CABP1: variants seen among roughly 807,000 people sequenced by gnomAD.
CABP1 encodes calcium binding protein 1.
A neutral mutation model predicts 34.3 loss-of-function variants in CABP1; 17 were observed. The observed-to-expected ratio is 0.50, with a 90% CI of 0.34 to 0.74. The LOEUF (loss-of-function observed/expected upper bound fraction) is 0.74. Among genes scored for constraint, CABP1 ranks in the 30% least tolerant of loss-of-function variants. CABP1 has a pLI of 0.01. For missense variants in CABP1, 373 were observed against 511.1 expected (o/e 0.73, Z 2.61); for synonymous variants, 198 against 229.2 (o/e 0.86, Z 1.23).
chr12:120,669,582 C>T (rs917243211), downstream of CABP1, among the ~76,000 whole-genome samples: 10 of 152,082 alleles, frequency 6.6e-5, no homozygotes, highest in East Asian at 1.9e-4. Context: ...GGTGAAACCC[C>T]GTCTGTACTA....
Position 120,667,187 on chromosome 12 carries a change from G to A in CABP1, c.*287G>A, listed in dbSNP as rs1881061204. ...CCATGTGCCCAGCTGCTGCTGGCTG[G>A]GTGGGCCAGGGAGCCCGCCAGCAGA... On this transcript the variant is annotated 3_prime_UTR_variant, in exon 6 of 6. Transcript: ENST00000316803. 3.6e-6 allele frequency: 2 copies of A among 550,698 alleles called. No individual in the cohort carries two copies. The highest frequency in any genetic ancestry group is 6.3e-5 in the Admixed American group (2 of 31,778). 34.1% of individuals were successfully genotyped at this position (550,698 alleles called of 1,614,324 possible).
intron 5 of CABP1, among the ~76,000 whole-genome samples, chr12:120,665,883 C>T (rs948018183): frequency 2.6e-5 from 4 of 151,204 alleles, no homozygotes; most frequent in Non-Finnish European, 4.4e-5. Flanking sequence ...AGCTGGACGT[C>T]GTGGCGGGCT....
chr12:120,643,553 A>G (rs1017499181), intron 1 of CABP1, among the ~76,000 whole-genome samples: 1 of 152,120 alleles, frequency 6.6e-6, no homozygotes, highest in African/African-American at 2.4e-5. Flanking sequence ...TTTGTTTTTA[A>G]CTTAAGTGAA....
rs373217762 is a variant in CABP1, at chr12:120,665,201, T to C, written c.1088-1674T>C. Among the ~76,000 whole-genome samples the C allele has an allele frequency of 1.6e-4, 24 of 151,816 alleles. No homozygotes were observed. In the East Asian group the frequency reaches 3.7e-3, roughly 23 times the overall value. On this transcript the variant is annotated intron_variant, in intron 5 of 5. Coordinates refer to ENST00000316803, the MANE Select transcript of CABP1 (RefSeq NM_001033677.2). ...ATTTTGGGAGGCTGAGGCAGGAGGA[T>C]CACTTGAGGTCAGGAGTTCGAGACC...
rs1461182961 is a variant in CABP1 at position 120,640,787 on chromosome 12, C to T, written c.102C>T (p.Pro34=). 2 of 1,129,448 alleles carry T rather than the reference C, an allele frequency of 1.8e-6. No homozygotes were observed. Among genetic ancestry groups the T allele is most frequent in the South Asian group, 4.1e-5 (1 of 24,108 alleles). 70.0% of individuals were successfully genotyped at this position (1,129,448 alleles called of 1,614,324 possible). The change falls in exon 1 of 6, where the codon CCC becomes CCT. Residue 34 remains proline (P), a synonymous_variant. Transcript: ENST00000316803. This position sits in a 1 kb window ranked among gnomAD's most constrained non-coding sequence, Gnocchi z 6.2. ...CCCGCCGGGAGCCCCGTTCTCTGCC[C>T]GCCGGGGGCCCCGCGCCGCGCCGCA... ...LGSRREPRSL[P]AGGPAPRRTA...
At chr12:120,678,820 C>T in the CABP1 span, among the ~76,000 whole-genome samples, 1 of 118,418 alleles carries the variant, frequency 8.4e-6, no homozygotes, top group Admixed American at 8.6e-5. Context: ...GCCTGTAATC[C>T]CAGTACTTTG....
At chr12:120,657,024 C>G (rs1880272884) in intron 1 of CABP1, among the ~76,000 whole-genome samples, 1 of 152,204 alleles carries the variant, frequency 6.6e-6, no homozygotes, top group Non-Finnish European at 1.5e-5. Context: ...CTAATGACAA[C>G]TCTGTATACG....
chr12:120,659,242 G>C (rs148009895), intron 1 of CABP1: 2 of 152,378 alleles, frequency 1.3e-5, no homozygotes, highest in African/African-American at 4.8e-5. Context: ...CAGTGCCCGC[G>C]AAGCAGTCAC....
At chr12:120,654,134 C>T (rs1777908840) in intron 1 of CABP1, among the ~76,000 whole-genome samples, 1 of 152,294 alleles carries the variant, frequency 6.6e-6, no homozygotes, top group East Asian at 1.9e-4. Flanking sequence ...GGATATCAAA[C>T]CAGGAGGGGC....
At chr12:120,659,344 C>G (rs3999389) in intron 1 of CABP1, 1 of 153,718 alleles carries the variant, frequency 6.5e-6, no homozygotes, top group East Asian at 1.9e-4. Flanking sequence ...CCTCCTGCGC[C>G]TCTTCTGTTG....
rs78315987 is a variant in CABP1, at chr12:120,666,203, T to TAAA, written c.1088-656_1088-654dup. On this transcript the variant is annotated intron_variant, in intron 5 of 5. Coordinates refer to ENST00000316803, the MANE Select transcript of CABP1 (RefSeq NM_001033677.2). ...ACAGAGGGAGACTCTGTCTCTACAT[T>TAAA]AAAAAAAAAAAAAAAAAAGGAAGAA... is the stretch of plus-strand genomic sequence containing the variant. Among the ~76,000 whole-genome samples the TAAA allele has an allele frequency of 9.3e-3, 995 of 106,994 alleles. 23 individuals carry two copies. The highest frequency in any genetic ancestry group is 0.033 in the African/African-American group (886 of 27,018). The allele number at this position is 106,994 out of a possible 152,430, so 70.2% of individuals were successfully genotyped here.
At chr12:120,652,280 G>A (rs1047638290) in intron 1 of CABP1, among the ~76,000 whole-genome samples, 1 of 152,150 alleles carries the variant, frequency 6.6e-6, no homozygotes, top group African/African-American at 2.4e-5. Flanking sequence ...ACAGGAAATA[G>A]GAGAGATTTT....
Position 120,666,974 on chromosome 12 carries a change from G to T in CABP1, c.*74G>T. 2 of 1,527,968 alleles carry T rather than the reference G, an allele frequency of 1.3e-6. No homozygotes were observed. The highest frequency in any genetic ancestry group is 1.8e-6 in the Non-Finnish European group (2 of 1,134,426). 94.7% of individuals were successfully genotyped at this position (1,527,968 alleles called of 1,614,324 possible). A position where few individuals can be genotyped will look rare whatever the true frequency, so the allele number is the denominator to read the frequency against. ...AGAGGAGCTAGAGCTTGCCTCACCC[G>T]CTGTAGCCGCCGAGAGCCCAGGATG... On this transcript the variant is annotated 3_prime_UTR_variant, in exon 6 of 6. Coordinates refer to ENST00000316803, the MANE Select transcript of CABP1 (RefSeq NM_001033677.2).
intron 1 of CABP1, among the ~76,000 whole-genome samples, chr12:120,642,819 G>A (rs1158182667): frequency 6.6e-6 from 1 of 151,614 alleles, no homozygotes; most frequent in African/African-American, 2.4e-5. Context: ...AACCTTCAGG[G>A]GTTTCCTTAG....
intron 5 of CABP1, among the ~76,000 whole-genome samples, chr12:120,662,931 C>T (rs1213113085): frequency 3.9e-5 from 6 of 152,136 alleles, no homozygotes; most frequent in East Asian, 1.9e-4. Flanking sequence ...GTGATCCACC[C>T]GCCTTGGCCT....
intron 1 of CABP1, chr12:120,655,853 G>C: frequency 6.5e-7 from 1 of 1,526,988 alleles, no homozygotes; most frequent in Non-Finnish European, 8.8e-7. Flanking sequence ...GTGTGTGTGC[G>C]CATGTGCCAC....
At chr12:120,676,792 C>T in the CABP1 span, among the ~76,000 whole-genome samples, 1 of 152,196 alleles carries the variant, frequency 6.6e-6, no homozygotes, top group Non-Finnish European at 1.5e-5. Flanking sequence ...TCTGTCTTTA[C>T]ACCTCATTTC....
chr12:120,668,276 T>C (rs1436236423), downstream of CABP1, among the ~76,000 whole-genome samples: 3 of 152,114 alleles, frequency 2.0e-5, no homozygotes, highest in African/African-American at 7.2e-5. Context: ...GGCGGGAGGA[T>C]CACCTGAGTT....
the CABP1 span, among the ~76,000 whole-genome samples, chr12:120,677,146 G>C: frequency 6.8e-6 from 1 of 147,566 alleles, no homozygotes; most frequent in Non-Finnish European, 1.5e-5. Flanking sequence ...GGAGTGCAGT[G>C]GCATGATCTC....
Sources: gnomAD v4.1 joint callset for allele counts (sites outside exome capture counted in the v4.1 genomes callset) on GRCh38, gnomAD v4.1.1 for gene constraint, Gnocchi (gnomAD v3.1) non-coding constraint, MANE v1.5 for transcripts, NCBI Gene and HGNC (gene_info 2026-07-23, HGNC 2026-07-21) for gene names.